Variants in FMN2 observed in about 807,000 individuals in gnomAD.
FMN2 encodes the protein formin 2.
FMN2 carries 51 observed loss-of-function variants against 142.3 expected under a neutral mutation model. The ratio of observed to expected loss-of-function variants is 0.36; its 90% confidence interval spans 0.29 to 0.45. FMN2 has a LOEUF of 0.45. FMN2 is among the 20% of genes least tolerant of loss of function. The probability of loss-of-function intolerance (pLI) is 1.00; values close to 1 mark genes in which losing one functional copy is unlikely to be tolerated. For synonymous variants in FMN2, 882 were observed against 869.8 expected, an observed-to-expected ratio of 1.01 and a Z score of -0.25; for missense variants, 1,936 against 2,122.8, an observed-to-expected ratio of 0.91 and a Z score of 1.73.
chr1:240,409,003 G>C (rs925772119), intron 15 of FMN2, among the ~76,000 whole-genome samples: 10 of 152,108 alleles, frequency 6.6e-5, no homozygotes, highest in African/African-American at 2.2e-4. Context: ...CTCCTGGTTA[G>C]ACATGCATAA....
intron 2 of FMN2, among the ~76,000 whole-genome samples, chr1:240,136,535 C>T (rs1662947297): frequency 6.6e-6 from 1 of 152,130 alleles, no homozygotes; most frequent in African/African-American, 2.4e-5. Flanking sequence ...TCCATTTTGA[C>T]TTTCACAACT....
intron 14 of FMN2, among the ~76,000 whole-genome samples, chr1:240,370,085 T>C (rs1672813388): frequency 6.6e-6 from 1 of 152,184 alleles, no homozygotes; most frequent in Non-Finnish European, 1.5e-5. Context: ...AAATTTCCCA[T>C]ATGGCCTTAA....
At chr1:240,205,711 T>C (rs906470637) in intron 4 of FMN2, among the ~76,000 whole-genome samples, 3 of 152,020 alleles carry the variant, frequency 2.0e-5, no homozygotes, top group African/African-American at 7.2e-5. Flanking sequence ...TCCACCCGCC[T>C]CGGCCTCCCA....
At chr1:240,136,676 G>A (rs1662954079) in intron 2 of FMN2, among the ~76,000 whole-genome samples, 1 of 152,080 alleles carries the variant, frequency 6.6e-6, no homozygotes. Flanking sequence ...TTCTTTTCTT[G>A]TCTTTCTCCT....
intron 14 of FMN2, among the ~76,000 whole-genome samples, chr1:240,373,594 A>G (rs1237093467): frequency 6.6e-6 from 1 of 152,198 alleles, no homozygotes; most frequent in Non-Finnish European, 1.5e-5. Context: ...TTGGTCATTC[A>G]TAAGAAGCAA....
At chr1:240,239,034 G>A (rs1387744199) in intron 6 of FMN2, among the ~76,000 whole-genome samples, 1 of 152,146 alleles carries the variant, frequency 6.6e-6, no homozygotes, top group Non-Finnish European at 1.5e-5. Flanking sequence ...ACAATGATCT[G>A]AGTGATAGTT....
chr1:240,422,671 C>T (rs1337209700), intron 15 of FMN2, among the ~76,000 whole-genome samples: 1 of 152,132 alleles, frequency 6.6e-6, no homozygotes, highest in East Asian at 1.9e-4. Context: ...TCTACATAGA[C>T]GTATTAGTCT....
chr1:240,234,494 C>T (rs1414578614), intron 6 of FMN2, among the ~76,000 whole-genome samples: 1 of 152,198 alleles, frequency 6.6e-6, no homozygotes, highest in Non-Finnish European at 1.5e-5. Context: ...TGATTTGTCT[C>T]TTTAGCCCAA....
rs1011090867 is a variant in FMN2 at position 240,292,106 on chromosome 1, T to A, written c.4154-2716T>A. Among the ~76,000 whole-genome samples, 174 of 152,186 alleles carry A rather than the reference T, an allele frequency of 1.1e-3. 13 individuals carry two copies. The highest frequency in any genetic ancestry group is 2.4e-4 in the Non-Finnish European group (16 of 68,026). On this transcript the variant is annotated intron_variant, in intron 7 of 17. Transcript: ENST00000319653. ...TTTAGTTCGATTCCATGTTCTATGT[T>A]TGTTCCACATCAGGAAACAGCATCT...
At chr1:240,149,160 C>A (rs889104751) in intron 2 of FMN2, among the ~76,000 whole-genome samples, 1 of 151,964 alleles carries the variant, frequency 6.6e-6, no homozygotes, top group Non-Finnish European at 1.5e-5. Flanking sequence ...AATAAAGTAA[C>A]CATTTTTGTA....
intron 16 of FMN2, among the ~76,000 whole-genome samples, chr1:240,463,418 G>A (rs927838194): frequency 6.6e-5 from 10 of 152,314 alleles, no homozygotes; most frequent in South Asian, 2.1e-4. Context: ...CCAAGGCCCA[G>A]GTGGGTGAGA....
chr1:240,354,015 C>G (rs1217387421), intron 13 of FMN2, among the ~76,000 whole-genome samples: 1 of 152,120 alleles, frequency 6.6e-6, no homozygotes, highest in Non-Finnish European at 1.5e-5. Flanking sequence ...TAAAAGTTGG[C>G]AAGGTCTACA....
intron 6 of FMN2, among the ~76,000 whole-genome samples, chr1:240,256,199 G>C (rs2102894361): frequency 6.6e-6 from 1 of 152,198 alleles, no homozygotes; most frequent in Middle Eastern, 3.4e-3. Flanking sequence ...TCAGGACAGA[G>C]TATACACCTT....
intron 16 of FMN2, among the ~76,000 whole-genome samples, chr1:240,447,374 G>A (rs1398253943): frequency 6.6e-6 from 1 of 152,096 alleles, no homozygotes; most frequent in Non-Finnish European, 1.5e-5. Flanking sequence ...AGGTATCTTG[G>A]ACAGAGAATG....
chr1:240,327,718 A>T (rs187523233), intron 8 of FMN2, among the ~76,000 whole-genome samples: 38 of 152,310 alleles, frequency 2.5e-4, no homozygotes, highest in Non-Finnish European at 3.4e-4. Context: ...CTCCTACCCT[A>T]TATTAATATT....
At chr1:240,398,269 G>T (rs949190484) in intron 15 of FMN2, among the ~76,000 whole-genome samples, 3 of 152,142 alleles carry the variant, frequency 2.0e-5, no homozygotes, top group African/African-American at 4.8e-5. Flanking sequence ...CTCCCAAAGA[G>T]CTGGGATTAC....
At chr1:240,126,364 A>ACC (rs367989696) in intron 2 of FMN2, among the ~76,000 whole-genome samples, 1,761 of 129,572 alleles carry the variant, frequency 0.014, 25 homozygotes, top group African/African-American at 0.048. Context: ...CTTCCTACCT[A>ACC]CCCCCCCCCA....
At chr1:240,389,637 G>A (rs1465054830) in intron 14 of FMN2, among the ~76,000 whole-genome samples, 2 of 152,162 alleles carry the variant, frequency 1.3e-5, no homozygotes, top group African/African-American at 4.8e-5. Context: ...TTGTCACTAA[G>A]TTAACACCAT....
At chr1:240,189,452 G>A (rs985666946) in intron 4 of FMN2, among the ~76,000 whole-genome samples, 1 of 152,150 alleles carries the variant, frequency 6.6e-6, no homozygotes, top group Non-Finnish European at 1.5e-5. Context: ...GGGACATAGG[G>A]TTCTTCTCTG....
Sources: allele counts gnomAD v4.1 joint callset (sites outside exome capture counted in the v4.1 genomes callset), GRCh38; gene constraint gnomAD v4.1.1; transcripts MANE v1.5; gene names NCBI Gene and HGNC (gene_info 2026-07-23, HGNC 2026-07-21).